CADPS2: variants seen among roughly 807,000 people sequenced by gnomAD.
CADPS2 encodes calcium dependent secretion activator 2.
Under a neutral mutation model 172.5 loss-of-function variants are expected in CADPS2, and 93 were observed. The observed-to-expected ratio is 0.54, with a 90% CI of 0.46 to 0.64. CADPS2 has a LOEUF of 0.64. Among genes scored for constraint, CADPS2 ranks in the 30% least tolerant of loss-of-function variants. The pLI is 0.00. For missense variants in CADPS2, 1,420 were observed against 1,565.9 expected, an observed-to-expected ratio of 0.91 and a Z score of 1.57; for synonymous variants, 546 against 555.2, an observed-to-expected ratio of 0.98 and a Z score of 0.23.
At chr7:122,884,568 T>C (rs1300218415) in intron 1 of CADPS2, among the ~76,000 whole-genome samples, 4 of 152,242 alleles carry the variant, frequency 2.6e-5, no homozygotes, top group Non-Finnish European at 5.9e-5. Flanking sequence ...CTGAAGGATC[T>C]GTTATTAATC....
At chr7:122,813,417 CTT>C (rs1220782014) in intron 1 of CADPS2, among the ~76,000 whole-genome samples, 2 of 152,070 alleles carry the variant, frequency 1.3e-5, no homozygotes, top group Non-Finnish European at 2.9e-5. Flanking sequence ...ATTTAAGTCT[CTT>C]TGCTAAAACG....
At chr7:122,758,782 T>C (rs1271542135) in intron 1 of CADPS2, among the ~76,000 whole-genome samples, 2 of 152,088 alleles carry the variant, frequency 1.3e-5, no homozygotes, top group Non-Finnish European at 2.9e-5. Flanking sequence ...TTTTCTACCA[T>C]GAAAGCCTTG....
chr7:122,658,111 T>C (rs2135222501), intron 3 of CADPS2, among the ~76,000 whole-genome samples: 1 of 152,288 alleles, frequency 6.6e-6, no homozygotes, highest in South Asian at 2.1e-4. Flanking sequence ...AAAGAAGACA[T>C]TTATGCAGCC....
chr7:122,628,232 A>G (rs1007303823), intron 4 of CADPS2, among the ~76,000 whole-genome samples: 3 of 152,140 alleles, frequency 2.0e-5, no homozygotes, highest in African/African-American at 7.2e-5. Flanking sequence ...TTAGCATTTT[A>G]AAAACATTAT....
chr7:122,364,151 T>TTG, intron 25 of CADPS2, among the ~76,000 whole-genome samples: 1 of 152,068 alleles, frequency 6.6e-6, no homozygotes, highest in East Asian at 1.9e-4. Flanking sequence ...TGGCTCACAC[T>TTG]TGTAATCCCA....
rs142624375 is a variant in CADPS2, at chr7:122,641,962, T to G, written c.787-12634A>C. Among the ~76,000 whole-genome samples the G allele has an allele frequency of 1.4e-3, 211 of 152,040 alleles. 3 individuals carry two copies. The East Asian group carries it at 0.033, about 24-fold the overall frequency. ...CTGGAATGATAGCATCAGGATGGAT[T>G]TGCAAAGATAGAAATATTAAAAATG... On this transcript the variant is annotated intron_variant, in intron 3 of 29. Transcript: ENST00000449022.
At chr7:122,812,163 A>T (rs530894615) in intron 1 of CADPS2, among the ~76,000 whole-genome samples, 3 of 152,180 alleles carry the variant, frequency 2.0e-5, no homozygotes, top group African/African-American at 7.2e-5. Flanking sequence ...AAGATGGAAA[A>T]TTAGTATATT....
Position 122,581,282 on chromosome 7 carries a change from G to A in CADPS2, c.1232C>T (p.Thr411Ile). 6.2e-7 allele frequency: 1 copy of A among 1,612,124 alleles called. No individual in the cohort carries two copies. Among genetic ancestry groups the A allele is most frequent in the South Asian group, 1.1e-5 (1 of 91,024 alleles). The change falls in exon 7 of 30, where the codon ACT becomes ATT. Residue 411 changes from threonine to isoleucine, a missense_variant. By Grantham distance (89) the Thr-to-Ile change is moderately conservative. Transcript: ENST00000449022. ...QAEASRPQWG[T>I]QGDFTTTHPR... The stretch of plus-strand genomic sequence containing the variant: ...ATGGGTGGTGGTGAAATCTCCTTGA[G>A]TCCCCCATCTGTAATGAAGTAAAAA...
intron 15 of CADPS2, among the ~76,000 whole-genome samples, chr7:122,449,455 A>G (rs925942832): frequency 1.3e-5 from 2 of 152,068 alleles, no homozygotes; most frequent in African/African-American, 2.4e-5. Context: ...AGCTGGGACC[A>G]CAGGCACACA....
intron 6 of CADPS2, among the ~76,000 whole-genome samples, chr7:122,595,481 A>C (rs947291177): frequency 6.6e-5 from 10 of 152,078 alleles, no homozygotes; most frequent in African/African-American, 2.4e-4. Flanking sequence ...AAGTACTATA[A>C]TGTCAGTACA....
At chr7:122,725,415 A>G (rs7794272) in intron 2 of CADPS2, among the ~76,000 whole-genome samples, 100,568 of 151,536 alleles carry the variant, frequency 0.66, 34,153 homozygotes, top group Middle Eastern at 0.84. Context: ...GGATAGATTG[A>G]TTGATTTAGG....
intron 1 of CADPS2, among the ~76,000 whole-genome samples, chr7:122,828,985 A>G (rs543850440): frequency 6.6e-6 from 1 of 152,210 alleles, no homozygotes; most frequent in Non-Finnish European, 1.5e-5. Context: ...TATCTCTTAT[A>G]CCATCTTTTC....
chr7:122,710,116 T>C (rs2088462616), intron 2 of CADPS2, among the ~76,000 whole-genome samples: 2 of 149,580 alleles, frequency 1.3e-5, no homozygotes, highest in Admixed American at 6.7e-5. Flanking sequence ...CCACAATCAG[T>C]CATTGAAAGT....
At chr7:122,616,683 A>C (rs2074961707) in intron 5 of CADPS2, among the ~76,000 whole-genome samples, 2 of 152,166 alleles carry the variant, frequency 1.3e-5, no homozygotes, top group Non-Finnish European at 2.9e-5. Flanking sequence ...TGGAGAATTG[A>C]TAGAGAAAAG....
At chr7:122,570,142 G>GAC (rs1367569943) in intron 7 of CADPS2, among the ~76,000 whole-genome samples, 5 of 149,092 alleles carry the variant, frequency 3.4e-5, no homozygotes, top group Admixed American at 2.0e-4. Flanking sequence ...ATCTGACGAA[G>GAC]GGCTAATATC....
chr7:122,736,276 T>C (rs2092142747), intron 2 of CADPS2, among the ~76,000 whole-genome samples: 1 of 152,226 alleles, frequency 6.6e-6, no homozygotes, highest in Non-Finnish European at 1.5e-5. Flanking sequence ...TATATTCGCA[T>C]ATTATGCTTC....
At chr7:122,615,358 TAAAC>T in intron 5 of CADPS2, 59 bp from the exon 6 acceptor site, 1 of 1,144,798 alleles carries the variant, frequency 8.7e-7, no homozygotes, top group Non-Finnish European at 1.2e-6. Flanking sequence ...GCAATATACA[TAAAC>T]AGCAGCATGA....
intron 5 of CADPS2, among the ~76,000 whole-genome samples, chr7:122,617,931 T>C (rs2075124928): frequency 6.6e-6 from 1 of 151,842 alleles, no homozygotes; most frequent in Non-Finnish European, 1.5e-5. Flanking sequence ...TAGTCCCAGC[T>C]ACTAGGGAGG....
chr7:122,851,555 C>T (rs1813635599), intron 1 of CADPS2, among the ~76,000 whole-genome samples: 1 of 152,074 alleles, frequency 6.6e-6, no homozygotes, highest in African/African-American at 2.4e-5. Context: ...TCTCATGCTG[C>T]TAATAAAGAC....
Sources: allele counts gnomAD v4.1 joint callset (sites outside exome capture counted in the v4.1 genomes callset), GRCh38; gene constraint gnomAD v4.1.1; transcripts MANE v1.5; gene names NCBI Gene and HGNC (gene_info 2026-07-23, HGNC 2026-07-21).